Variants in IGBP1 observed in about 807,000 individuals in gnomAD.
IGBP1 encodes immunoglobulin binding protein 1.
In IGBP1, 2 loss-of-function variants were observed where a neutral mutation model predicts 25.9. The ratio of observed to expected loss-of-function variants is 0.08; its 90% CI spans 0.03 to 0.24. The LOEUF (loss-of-function observed/expected upper bound fraction) is 0.24. Ranked by LOEUF, IGBP1 falls within the 10% of genes least tolerant of loss-of-function variation. IGBP1 has a pLI of 1.00. For missense variants in IGBP1, 187 were observed against 260.4 expected, an observed-to-expected ratio of 0.72 and a Z score of 1.94; for synonymous variants, 96 against 93.4, an observed-to-expected ratio of 1.03 and a Z score of -0.16.
At chrX:70,146,939 A>T in intron 4 of IGBP1, 111 bp downstream of exon 4, 1 of 592,000 alleles carries the variant, frequency 1.7e-6, no homozygotes, top group Admixed American at 2.8e-5. Flanking sequence ...AGATGAGTAT[A>T]GAAAGGCCGA....
At chrX:70,144,877 C>T (rs1244052858) in intron 3 of IGBP1, among the ~76,000 whole-genome samples, 4 of 107,500 alleles carry the variant, frequency 3.7e-5, no homozygotes, top group Non-Finnish European at 7.7e-5. Context: ...CCAGGGTGGT[C>T]TTGATCTCCT....
chrX:70,165,560 C>A (rs746756914), intron 6 of IGBP1, among the ~76,000 whole-genome samples: 152 of 110,837 alleles, frequency 1.4e-3, no homozygotes, highest in Admixed American at 5.3e-3. Flanking sequence ...CAAGAATTCT[C>A]TTCCAAAATA....
intron 3 of IGBP1, among the ~76,000 whole-genome samples, chrX:70,145,129 C>T (rs1203365584): frequency 9.1e-6 from 1 of 110,075 alleles, no homozygotes; most frequent in East Asian, 2.8e-4. Context: ...ACTGAACTCT[C>T]TGTGGACTTC....
chrX:70,157,416 C>G (rs910581477), intron 6 of IGBP1, among the ~76,000 whole-genome samples: 1 of 111,054 alleles, frequency 9.0e-6, no homozygotes, highest in African/African-American at 3.3e-5. Context: ...TTTCACTACT[C>G]GGTATATACC....
At chrX:70,152,564 A>G (rs2085209935) in intron 6 of IGBP1, among the ~76,000 whole-genome samples, 1 of 112,505 alleles carries the variant, frequency 8.9e-6, no homozygotes, top group Non-Finnish European at 1.9e-5. Flanking sequence ...GAATTAGCAG[A>G]CAGGGACTTT....
chrX:70,162,999 A>G (rs926296725), intron 6 of IGBP1, among the ~76,000 whole-genome samples: 1 of 110,037 alleles, frequency 9.1e-6, no homozygotes, highest in Non-Finnish European at 1.9e-5. Flanking sequence ...AATAGTTGCA[A>G]CTGGCTGAAA....
At chrX:70,146,855 C>T in intron 4 of IGBP1, 27 bp downstream of exon 4, 2 of 1,060,737 alleles carry the variant, frequency 1.9e-6, no homozygotes, top group Non-Finnish European at 2.6e-6. Flanking sequence ...AAATCTACTG[C>T]CAGAGATTTG....
In IGBP1 at chrX:70,166,166, C is replaced by T. The variant is rs749850920; in HGVS notation, c.*185C>T. ...GTATTTGTACCCTAGATGATATGAA[C>T]CAGCAGTCTTGTTTTGGCATCATCC... On this transcript the variant is annotated 3_prime_UTR_variant, in exon 7 of 7. Transcript: ENST00000356413. 2.3e-6 allele frequency: 1 copy of T among 436,333 alleles called. No individual in the cohort carries two copies. Among genetic ancestry groups the T allele is most frequent in the African/African-American group, 2.5e-5 (1 of 40,429 alleles). The allele number at this position is 436,333 out of a possible 1,213,427, so 36.0% of individuals were successfully genotyped here.
At position 70,155,814 on chromosome X, in the gene IGBP1, A is replaced by G. The variant is rs184801799; in HGVS notation, c.871+5492A>G. 1.6e-3 allele frequency among the ~76,000 whole-genome samples: 178 copies of G among 112,186 alleles called. 1 individual carries two copies. Among genetic ancestry groups the G allele is most frequent in the African/African-American group, 5.6e-3 (172 of 30,949 alleles). On this transcript the variant is annotated intron_variant, in intron 6 of 6. Transcript: ENST00000356413. ...TCAGATAAAGTAGATTTCAAGACAAAAAGGTATTATCAGAGATTTTAAAAG... is the reference window on the plus strand; with the variant it reads ...TCAGATAAAGTAGATTTCAAGACAAGAAGGTATTATCAGAGATTTTAAAAG...
At chrX:70,142,928 T>G (rs1248100940) in intron 3 of IGBP1, among the ~76,000 whole-genome samples, 1 of 98,805 alleles carries the variant, frequency 1.0e-5, no homozygotes, top group African/African-American at 3.7e-5. Context: ...TTTTTTTTTT[T>G]TTTTTTTTTT....
intron 4 of IGBP1, among the ~76,000 whole-genome samples, chrX:70,148,277 CCTT>C (rs759020370): frequency 7.0e-4 from 78 of 111,846 alleles, no homozygotes; most frequent in Middle Eastern, 4.6e-3. Flanking sequence ...ACTAACCAAT[CCTT>C]CTCCCTTTCC....
chrX:70,150,302 G>A lies in IGBP1; in HGVS notation c.851G>A (p.Gly284Glu). 1 of 1,178,867 alleles carries A rather than the reference G, an allele frequency of 8.5e-7. No individual in the cohort carries two copies. Among genetic ancestry groups the A allele is most frequent in the Non-Finnish European group, 1.2e-6 (1 of 865,604 alleles). Residue 284 changes from glycine (G) to glutamate (E), a missense_variant, in exon 6 of 7, where the codon GGA becomes GAA. Coordinates refer to ENST00000356413, the MANE Select transcript of IGBP1 (RefSeq NM_001551.3). ...AAATATGGAGCATTACCGGATCAGG[G>A]AATAGCCAAGGCAGCACCAGGTATG... is the stretch of plus-strand genomic sequence containing the variant. The part of the protein sequence containing the change: ...HRKYGALPDQ[G>E]IAKAAPEEFR...
At chrX:70,162,599 G>C (rs921523236) in intron 6 of IGBP1, among the ~76,000 whole-genome samples, 1 of 112,444 alleles carries the variant, frequency 8.9e-6, no homozygotes, top group Non-Finnish European at 1.9e-5. Flanking sequence ...TGGTTATGTA[G>C]GAACTCAGTA....
In IGBP1 at chrX:70,133,620, C is replaced by T; in HGVS notation, c.-226+80C>T. On this transcript the variant is annotated intron_variant, in intron 1 of 6. Coordinates refer to ENST00000356413, the MANE Select transcript of IGBP1 (RefSeq NM_001551.3). ...GCGCTCCGAATTCAGCCTCGCCTCA[C>T]CCGGGCTTCAGAGCCCACAGAACTT... The T allele has an allele frequency of 9.8e-6, 4 of 406,783 alleles. No homozygotes were observed. In the South Asian group the frequency reaches 1.9e-4, roughly 19 times the overall value. 33.5% of individuals were successfully genotyped at this position (406,783 alleles called of 1,213,427 possible). A position where few individuals can be genotyped will look rare whatever the true frequency, so the allele number is the denominator to read the frequency against.
At chrX:70,161,729 T>A (rs1435355812) in intron 6 of IGBP1, among the ~76,000 whole-genome samples, 1 of 111,368 alleles carries the variant, frequency 9.0e-6, no homozygotes, top group Non-Finnish European at 1.9e-5. Context: ...GAGGTATGGC[T>A]TTTACTGTAT....
intron 6 of IGBP1, among the ~76,000 whole-genome samples, chrX:70,158,211 T>C: frequency 8.9e-6 from 1 of 112,163 alleles, no homozygotes; most frequent in Middle Eastern, 4.6e-3. Flanking sequence ...CTGAAAGCGA[T>C]AGAGTAGTCT....
chrX:70,162,835 G>A (rs996838768), intron 6 of IGBP1, among the ~76,000 whole-genome samples: 6 of 109,250 alleles, frequency 5.5e-5, no homozygotes, highest in African/African-American at 1.7e-4. Flanking sequence ...GTAGCCAGGC[G>A]TGGTGGCACA....
Position 70,162,610 on chromosome X carries a change from C to T in IGBP1, c.872-3223C>T, listed in dbSNP as rs150143861. ...GGTGTGGTTATGTAGGAACTCAGTACTATTTTCTCAATTTTTCTGTAAATT... is the reference window on the plus strand; with the variant it reads ...GGTGTGGTTATGTAGGAACTCAGTATTATTTTCTCAATTTTTCTGTAAATT... On this transcript the variant is annotated intron_variant, in intron 6 of 6. Transcript: ENST00000356413. Among the ~76,000 whole-genome samples the T allele has an allele frequency of 5.3e-3, 598 of 112,525 alleles. 4 individuals carry two copies. Among genetic ancestry groups the T allele is most frequent in the African/African-American group, 0.018 (573 of 31,001 alleles).
chrX:70,141,712 T>C (rs915407682), intron 3 of IGBP1, among the ~76,000 whole-genome samples: 1 of 111,328 alleles, frequency 9.0e-6, no homozygotes, highest in Non-Finnish European at 1.9e-5. Context: ...AGCCTAGACT[T>C]AGGATTCAGA....
Sources: gnomAD v4.1 joint callset for allele counts (sites outside exome capture counted in the v4.1 genomes callset) on GRCh38, gnomAD v4.1.1 for gene constraint, MANE v1.5 for transcripts, NCBI Gene and HGNC (gene_info 2026-07-23, HGNC 2026-07-21) for gene names.